RAD51B: variants seen among roughly 807,000 people sequenced by gnomAD.
The protein encoded by RAD51B is RAD51 paralog B.
In RAD51B, 38 loss-of-function variants were observed where a neutral mutation model predicts 42.2. That is an observed-to-expected ratio of 0.90 (90% CI 0.70 to 1.18). The LOEUF is 1.18. RAD51B is among the 50% of genes most tolerant of loss of function. The probability of loss-of-function intolerance (pLI) is 0.00; values close to 1 mark genes in which losing one functional copy is unlikely to be tolerated. For synonymous variants in RAD51B, 154 were observed against 145.2 expected, an observed-to-expected ratio of 1.06 and a Z score of -0.43; for missense variants, 373 against 400.7, an observed-to-expected ratio of 0.93 and a Z score of 0.59.
intron 8 of RAD51B, among the ~76,000 whole-genome samples, chr14:68,350,104 T>G (rs2082754944): frequency 6.6e-6 from 1 of 152,228 alleles, no homozygotes; most frequent in South Asian, 2.1e-4. Context: ...GAAATCTCTC[T>G]GTGCACATAT....
At chr14:68,405,407 G>T (rs1397451818) in intron 8 of RAD51B, among the ~76,000 whole-genome samples, 1 of 152,052 alleles carries the variant, frequency 6.6e-6, no homozygotes, top group African/African-American at 2.4e-5. Context: ...TCATACTACT[G>T]CATTCCAGCC....
chr14:68,566,914 T>C (rs1889449924), intron 10 of RAD51B, among the ~76,000 whole-genome samples: 1 of 152,132 alleles, frequency 6.6e-6, no homozygotes, highest in Admixed American at 6.5e-5. Flanking sequence ...AGGCCATGGG[T>C]TTATTGCTTT....
intron 7 of RAD51B, among the ~76,000 whole-genome samples, chr14:68,099,798 G>GA (rs2077258233): frequency 1.3e-5 from 2 of 152,178 alleles, no homozygotes; most frequent in South Asian, 4.1e-4. Flanking sequence ...TGCTTAGATG[G>GA]AATTGTGTGG....
intron 8 of RAD51B, among the ~76,000 whole-genome samples, chr14:68,392,985 T>A (rs1365237884): frequency 1.3e-5 from 2 of 152,216 alleles, no homozygotes; most frequent in Admixed American, 1.3e-4. Context: ...TGCCTCTGCT[T>A]TGCTGGCTTC....
intron 7 of RAD51B, among the ~76,000 whole-genome samples, chr14:67,914,910 C>T (rs1228791706): frequency 2.0e-5 from 3 of 152,082 alleles, no homozygotes; most frequent in Non-Finnish European, 4.4e-5. Flanking sequence ...TTCTTTTTGT[C>T]GGGGATGCCA....
chr14:68,534,971 T>A (rs1887533289), intron 10 of RAD51B, among the ~76,000 whole-genome samples: 1 of 152,102 alleles, frequency 6.6e-6, no homozygotes, highest in Admixed American at 6.5e-5. Context: ...ATTATTACTC[T>A]CCCCATTTTA....
intron 10 of RAD51B, among the ~76,000 whole-genome samples, chr14:68,625,248 G>A (rs1012469256): frequency 2.0e-5 from 3 of 152,240 alleles, no homozygotes; most frequent in South Asian, 4.1e-4. Flanking sequence ...TGCCCATGTC[G>A]TGAGATGTGT....
chr14:68,172,404 A>T (rs1191674454), intron 7 of RAD51B, among the ~76,000 whole-genome samples: 1 of 152,234 alleles, frequency 6.6e-6, no homozygotes, highest in African/African-American at 2.4e-5. Context: ...GGCCCAATTC[A>T]TAATTTCTAT....
chr14:67,893,467 GAC>G (rs756541648), intron 7 of RAD51B, among the ~76,000 whole-genome samples: 4,084 of 111,250 alleles, frequency 0.037, 184 homozygotes, highest in East Asian at 0.13. Context: ...CACAGACACA[GAC>G]ACACACACAC....
At chr14:67,977,720 A>G (rs1034636849) in intron 7 of RAD51B, among the ~76,000 whole-genome samples, 1 of 152,268 alleles carries the variant, frequency 6.6e-6, no homozygotes, top group Non-Finnish European at 1.5e-5. Flanking sequence ...AAGTCAGGTA[A>G]TGATATCAAT....
intron 10 of RAD51B, among the ~76,000 whole-genome samples, chr14:68,576,267 AG>A (rs1231773157): frequency 6.6e-6 from 1 of 152,218 alleles, no homozygotes; most frequent in Non-Finnish European, 1.5e-5. Context: ...ACTCAGCCCC[AG>A]GGGTCACAGA....
At chr14:68,158,114 A>T (rs533278587) in intron 7 of RAD51B, among the ~76,000 whole-genome samples, 66 of 152,274 alleles carry the variant, frequency 4.3e-4, no homozygotes, top group African/African-American at 1.6e-3. Context: ...CCCTTCACAC[A>T]GCCTTTTTTT....
At chr14:68,511,537 C>T (rs1480412856) in intron 10 of RAD51B, among the ~76,000 whole-genome samples, 2 of 152,222 alleles carry the variant, frequency 1.3e-5, no homozygotes, top group African/African-American at 4.8e-5. Flanking sequence ...CTTCCAGAAC[C>T]TTCTTTCATG....
chr14:68,642,960 A>G (rs762353205), intron 10 of RAD51B, among the ~76,000 whole-genome samples: 1 of 150,340 alleles, frequency 6.7e-6, no homozygotes, highest in African/African-American at 2.5e-5. Context: ...TTGAGAGAAA[A>G]CATTGTATGA....
At chr14:67,970,400 G>C (rs2074872998) in intron 7 of RAD51B, among the ~76,000 whole-genome samples, 1 of 152,052 alleles carries the variant, frequency 6.6e-6, no homozygotes, top group South Asian at 2.1e-4. Context: ...CAAAGGTTTT[G>C]TAAGTTGTAG....
intron 9 of RAD51B, among the ~76,000 whole-genome samples, chr14:68,437,457 G>A (rs2085173833): frequency 6.6e-6 from 1 of 152,184 alleles, no homozygotes; most frequent in Non-Finnish European, 1.5e-5. Flanking sequence ...AGGGCCTGAA[G>A]TTTTCCTTTT....
In RAD51B at chr14:67,900,778, GC is replaced by G. The variant is rs544420116; in HGVS notation, c.756+13578del. Among the ~76,000 whole-genome samples the G allele has an allele frequency of 2.2e-4, 33 of 152,126 alleles. No homozygotes were observed. In the East Asian group the frequency reaches 5.4e-3, roughly 25 times the overall value. On this transcript the variant is annotated intron_variant, in intron 7 of 10. Coordinates refer to ENST00000471583, the MANE Select transcript of RAD51B (RefSeq NM_133510.4). ...TTGTTATAATATGAAGTTTCTTAGT[GC>G]CCCTAGCTTACAGCCACTAAAGTTA...
intron 7 of RAD51B, among the ~76,000 whole-genome samples, chr14:68,123,191 CTTT>C (rs541886088): frequency 6.4e-5 from 8 of 125,494 alleles, no homozygotes; most frequent in Admixed American, 1.6e-4. Flanking sequence ...TTCTTTCTTT[CTTT>C]TTTTTTTTTT....
chr14:68,079,180 A>G (rs548813019), intron 7 of RAD51B, among the ~76,000 whole-genome samples: 10 of 152,148 alleles, frequency 6.6e-5, no homozygotes, highest in Non-Finnish European at 1.5e-4. Flanking sequence ...CTCTTTTTTT[A>G]GAGTCTACTG....
Sources: allele counts gnomAD v4.1 joint callset (sites outside exome capture counted in the v4.1 genomes callset), GRCh38; gene constraint gnomAD v4.1.1; transcripts MANE v1.5; gene names NCBI Gene and HGNC (gene_info 2026-07-23, HGNC 2026-07-21).